DOCK9: variants seen among roughly 807,000 people sequenced by gnomAD.
The protein encoded by DOCK9 is dedicator of cytokinesis 9, also known as dedicator of cytokinesis protein 9.
DOCK9 carries 89 observed loss-of-function variants against 263.3 expected under a neutral mutation model. The observed-to-expected ratio is 0.34, with a 90% confidence interval of 0.28 to 0.40. The LOEUF (loss-of-function observed/expected upper bound fraction) is 0.40, where lower values mean the gene tolerates loss of function less well. Among genes scored for constraint, DOCK9 ranks in the 10% least tolerant of loss-of-function variants. DOCK9 has a pLI of 1.00. For missense variants in DOCK9, 2,140 were observed against 2,603.4 expected, an observed-to-expected ratio of 0.82 and a Z score of 3.87; for synonymous variants, 976 against 973.1, an observed-to-expected ratio of 1.00 and a Z score of -0.06.
chr13:98,887,160 T>A (rs1356740484), intron 18 of DOCK9, among the ~76,000 whole-genome samples: 25 of 129,226 alleles, frequency 1.9e-4, no homozygotes, highest in African/African-American at 6.6e-4. Context: ...TTTTTTTTTT[T>A]TTTTTTTGCA....
chr13:99,020,093 C>T (rs1292887287), intron 1 of DOCK9, among the ~76,000 whole-genome samples: 1 of 151,928 alleles, frequency 6.6e-6, no homozygotes, highest in African/African-American at 2.4e-5. Flanking sequence ...TAGAGTGAGA[C>T]TCCGTCTCAA....
At chr13:99,036,293 G>A (rs184684410) in intron 1 of DOCK9, among the ~76,000 whole-genome samples, 108 of 152,180 alleles carry the variant, frequency 7.1e-4, no homozygotes, top group African/African-American at 2.3e-3. Flanking sequence ...GGAACTTTGG[G>A]AGGCAATTAA....
At chr13:99,041,963 C>T (rs1379707374) in intron 1 of DOCK9, among the ~76,000 whole-genome samples, 2 of 152,206 alleles carry the variant, frequency 1.3e-5, no homozygotes, top group Non-Finnish European at 2.9e-5. Context: ...AGGCTTCAGA[C>T]TTTTGGTCTC....
intron 27 of DOCK9, among the ~76,000 whole-genome samples, chr13:98,869,410 A>G (rs1205942347): frequency 1.3e-5 from 2 of 152,224 alleles, no homozygotes; most frequent in Non-Finnish European, 2.9e-5. Flanking sequence ...AACAACAACG[A>G]TTCAGACCCA....
chr13:98,883,200 T>C, intron 22 of DOCK9, 69 bp from the exon 23 acceptor site: 1 of 1,339,792 alleles, frequency 7.5e-7, no homozygotes, highest in Non-Finnish European at 1.0e-6. Flanking sequence ...TAGAAGCATT[T>C]GTTTCTTGCA....
At chr13:99,027,552 T>G (rs973507675) in intron 1 of DOCK9, among the ~76,000 whole-genome samples, 4 of 152,200 alleles carry the variant, frequency 2.6e-5, no homozygotes, top group African/African-American at 9.6e-5. Flanking sequence ...AAATGTCTCT[T>G]TAGACCTCTA....
chr13:98,806,243 C>A lies in DOCK9; in HGVS notation c.5515-1034G>T, dbSNP rs191407389. On this transcript the variant is annotated intron_variant, in intron 48 of 52. Transcript: ENST00000682017. ...CAGGTACAGATTAATCTAGACTAAT[C>A]TAATGATAAATTTAGTTTCTATTTA... Among the ~76,000 whole-genome samples, 18 of 152,326 alleles carry A rather than the reference C, an allele frequency of 1.2e-4. 1 individual carries two copies. In the East Asian group the frequency reaches 3.5e-3, roughly 29 times the overall value.
At chr13:98,882,925 A>AT in intron 23 of DOCK9, 117 bp downstream of exon 23, 1 of 771,304 alleles carries the variant, frequency 1.3e-6, no homozygotes. Context: ...GAAGCTACTG[A>AT]TGTGAGACAT....
chr13:98,883,876 C>A lies in DOCK9; in HGVS notation c.2406G>T (p.Trp802Cys), dbSNP rs1379273287. The A allele has an allele frequency of 6.2e-7, 1 of 1,611,626 alleles. No individual in the cohort carries two copies. The highest frequency in any genetic ancestry group is 1.3e-5 in the African/African-American group (1 of 74,836). The change falls in exon 22 of 53, where the codon TGG (tryptophan) becomes TGT (cysteine). Residue 802 changes from tryptophan (W) to cysteine (C), a missense_variant. Physicochemically the swap from Trp to Cys is radical, Grantham distance 215. Coordinates refer to ENST00000682017, the MANE Select transcript of DOCK9 (RefSeq NM_001366683.2). ...TCAGCAGTGGCTTGCCTCCATCTAC[C>A]CATTTAATTTCCGGACCATAATGCT... ...MGRHYGPEIK[W>C]VDGGKPLLKI...
intron 1 of DOCK9, among the ~76,000 whole-genome samples, chr13:99,008,234 A>ATATATATATT (rs1233268084): frequency 3.2e-5 from 3 of 94,046 alleles, no homozygotes; most frequent in African/African-American, 8.8e-5. Flanking sequence ...ATATATATAT[A>ATATATATATT]TTTTTTTTTT....
intron 9 of DOCK9, among the ~76,000 whole-genome samples, chr13:98,911,460 T>C (rs1318233483): frequency 2.0e-5 from 3 of 152,164 alleles, no homozygotes; most frequent in East Asian, 3.8e-4. Flanking sequence ...AGTAAATAAA[T>C]ATACATAATA....
At chr13:98,873,050 CCT>C (rs1287872037) in intron 27 of DOCK9, among the ~76,000 whole-genome samples, 4 of 152,190 alleles carry the variant, frequency 2.6e-5, no homozygotes, top group Admixed American at 6.5e-5. Flanking sequence ...GCCTTGCTCA[CCT>C]CTCTTACTTA....
At chr13:98,925,407 C>T (rs915096262) in intron 4 of DOCK9, among the ~76,000 whole-genome samples, 2 of 151,964 alleles carry the variant, frequency 1.3e-5, no homozygotes, top group African/African-American at 4.8e-5. Context: ...TGGGAAAATG[C>T]TTGTTTCTTG....
rs1289387513 is a variant in DOCK9, at chr13:98,794,658, G to A, written c.6247C>T (p.His2083Tyr). Reference protein sequence around the residue: ...ISGTPTSTMVHGMTSSSSVV With the variant: ...ISGTPTSTMVYGMTSSSSVV Reference sequence around the variant, plus strand: ...ACCGAAGACGAGCTGGTCATCCCGTGAACCATTGTGCTTGTTGGAGTCCCA... The same window carrying A: ...ACCGAAGACGAGCTGGTCATCCCGTAAACCATTGTGCTTGTTGGAGTCCCA... Residue 2083 changes from histidine (H) to tyrosine (Y), a missense_variant, in exon 53 of 53, where the codon CAC (histidine) becomes TAC (tyrosine). Transcript: ENST00000682017. 2 of 1,612,852 alleles carry A rather than the reference G, an allele frequency of 1.2e-6. No individual in the cohort carries two copies. Among genetic ancestry groups the A allele is most frequent in the Admixed American group, 3.3e-5 (2 of 59,888 alleles).
In DOCK9 at chr13:98,999,288, G is replaced by GCACACACA. The variant is rs1412789503; in HGVS notation, c.130-43738_130-43737insTGTGTGTG. The stretch of plus-strand genomic sequence containing the variant: ...TGAACAGATGTGTGCACGCATGCAC[G>GCACACACA]CGCACACACACACACACACACACAC... On this transcript the variant is annotated intron_variant, in intron 1 of 32. Transcript: ENST00000427887. Among the ~76,000 whole-genome samples the GCACACACA allele has an allele frequency of 1.9e-4, 26 of 137,578 alleles. 1 individual carries two copies. Among genetic ancestry groups the GCACACACA allele is most frequent in the South Asian group, 1.1e-3 (4 of 3,736 alleles). The allele number at this position is 137,578 out of a possible 152,430, so 90.3% of individuals were successfully genotyped here.
rs570268908 is a variant in DOCK9, at chr13:98,820,079, C to T, written c.5130+4319G>A. 5.9e-5 allele frequency among the ~76,000 whole-genome samples: 9 copies of T among 152,320 alleles called. 1 individual carries two copies. The South Asian group carries it at 1.5e-3, about 25-fold the overall frequency. On this transcript the variant is annotated intron_variant, in intron 45 of 52. Coordinates refer to ENST00000682017, the MANE Select transcript of DOCK9 (RefSeq NM_001366683.2). The stretch of plus-strand genomic sequence containing the variant: ...CACTGTGAATTAGTGAATACTTGTC[C>T]GCTTCCTAGGGAAAATGCAAGGTTC...
At chr13:98,821,316 C>T (rs1159881091) in intron 45 of DOCK9, among the ~76,000 whole-genome samples, 2 of 152,068 alleles carry the variant, frequency 1.3e-5, no homozygotes, top group Non-Finnish European at 2.9e-5. Flanking sequence ...TGGGTGCCCT[C>T]AGGAGTCCTT....
chr13:98,919,674 G>T (rs890854088), intron 7 of DOCK9, among the ~76,000 whole-genome samples: 1 of 152,154 alleles, frequency 6.6e-6, no homozygotes, highest in African/African-American at 2.4e-5. Context: ...CTGTGTGAGG[G>T]GAACCCTGAG....
intron 38 of DOCK9, among the ~76,000 whole-genome samples, chr13:98,840,732 G>A (rs565985002): frequency 2.5e-4 from 38 of 152,324 alleles, no homozygotes; most frequent in Non-Finnish European, 4.0e-4. Flanking sequence ...GGATAGAAGA[G>A]TAGGTCAGAG....
Sources: gnomAD v4.1 joint callset for allele counts (sites outside exome capture counted in the v4.1 genomes callset) on GRCh38, gnomAD v4.1.1 for gene constraint, MANE v1.5 for transcripts, NCBI Gene and HGNC (gene_info 2026-07-23, HGNC 2026-07-21) for gene names.